FAM83H: variants seen among roughly 807,000 people sequenced by gnomAD.
FAM83H encodes the protein scaffolding CK1 anchoring protein H, also known as protein FAM83H.
Under a neutral mutation model 30.2 loss-of-function variants are expected in FAM83H, and 24 were observed. The observed-to-expected ratio is 0.79, with a 90% CI of 0.57 to 1.12. FAM83H has a LOEUF of 1.12. Ranked by LOEUF, FAM83H falls within the 50% of genes most tolerant of loss-of-function variation. The pLI, the probability that FAM83H is intolerant of heterozygous loss-of-function variation, is 0.00. For synonymous variants in FAM83H, 1,013 were observed against 821.7 expected (o/e 1.23, Z -3.98); for missense variants, 2,038 against 1,773.9 (o/e 1.15, Z -2.67).
intron 2 of FAM83H, 101 bp from the exon 3 acceptor site, chr8:143,729,424 C>T (rs1818431804): frequency 7.3e-7 from 1 of 1,360,570 alleles, no homozygotes; most frequent in East Asian, 2.4e-5. Context: ...TCACCCACGA[C>T]CACTGTGAAA....
At chr8:143,729,793 T>C (rs1223368385) in intron 2 of FAM83H, among the ~76,000 whole-genome samples, 1 of 152,232 alleles carries the variant, frequency 6.6e-6, no homozygotes, top group African/African-American at 2.4e-5. Flanking sequence ...CGCCGTCTGC[T>C]AGCTGTTTGG....
At position 143,726,658 on chromosome 8, in the gene FAM83H, C is replaced by G; in HGVS notation, c.2803G>C (p.Gly935Arg). The change falls in exon 5 of 5, where the codon GGC (glycine) becomes CGC (arginine). Residue 935 changes from glycine (G) to arginine (R), a missense_variant. Coordinates refer to ENST00000388913, the MANE Select transcript of FAM83H (RefSeq NM_198488.5). ...SPVPPVPERRGSLTLTISGES... is the reference protein window; with the variant it reads ...SPVPPVPERRRSLTLTISGES... ...CCGGAGATGGTAAGGGTGAGGCTGC[C>G]CCTGCGCTCCGGCACGGGGGGCACC... The G allele has an allele frequency of 6.3e-7, 1 of 1,597,232 alleles. No individual in the cohort carries two copies. Among genetic ancestry groups the G allele is most frequent in the Middle Eastern group, 1.7e-4 (1 of 6,040 alleles).
rs782140916 is a variant in FAM83H, at chr8:143,730,483, C to T, written c.100G>A (p.Ala34Thr). Residue 34 changes from alanine (A) to threonine (T), a missense_variant, in exon 2 of 5, where the codon GCA (alanine) becomes ACA (threonine). Transcript: ENST00000388913. ...YKEYYRLAVD[A>T]LAEGGSEAYS... is the part of the protein sequence containing the mutation. ...GCCTCCGAGCCACCCTCGGCCAGTG[C>T]ATCCACCGCCAGGCGGTAGTACTCT... 4.4e-6 allele frequency: 7 copies of T among 1,608,002 alleles called. No individual in the cohort carries two copies. The highest frequency in any genetic ancestry group is 1.7e-5 in the Admixed American group (1 of 59,840).
intron 1 of FAM83H, chr8:143,732,595 G>A (rs1466794349): frequency 4.1e-6 from 4 of 985,256 alleles, no homozygotes; most frequent in East Asian, 1.1e-4. Context: ...TCCAGACAGT[G>A]GAAGCCCCCG....
rs1554622551 is a variant in FAM83H at position 143,727,405 on chromosome 8, G to C, written c.2056C>G (p.Leu686Val). 4 of 1,571,668 alleles carry C rather than the reference G, an allele frequency of 2.5e-6. 1 individual carries two copies. The highest frequency in any genetic ancestry group is 4.6e-5 in the East Asian group (2 of 43,562). ...TCGGCCTGTGACGTGCTGAAGATGA[G>C]CGAGGAGCGCAGCCTGGAGCTGCGC... ...VQRSSRLRSS[L>V]IFSTSQAEGA... Residue 686 changes from leucine (L) to valine (V), a missense_variant, in exon 5 of 5, where the codon CTC becomes GTC. Coordinates refer to ENST00000388913, the MANE Select transcript of FAM83H (RefSeq NM_198488.5).
intron 1 of FAM83H, chr8:143,731,784 C>T: frequency 1.0e-6 from 1 of 985,456 alleles, no homozygotes; most frequent in Non-Finnish European, 1.2e-6. Context: ...CTCGCCACCA[C>T]CATCCATGCT....
intron 1 of FAM83H, chr8:143,732,722 A>G (rs1199409053): frequency 3.0e-6 from 3 of 985,306 alleles, no homozygotes; most frequent in African/African-American, 1.7e-5. Context: ...TGGGCTATGG[A>G]CGGGGCTGCA....
rs1353120964 is a variant in FAM83H, at chr8:143,726,933, G to A, written c.2528C>T (p.Thr843Met). 3.1e-6 allele frequency: 5 copies of A among 1,611,702 alleles called. No individual in the cohort carries two copies. The highest frequency in any genetic ancestry group is 2.2e-5 in the East Asian group (1 of 44,874). ...AGGGCTGTCCAGCCCTTGCGGGGAC[G>A]TTGAGTGGCTCTGGGCAGAGAGGAA... ...SRFLSAQSHSTSPQGLDSPLP... is the reference protein window; with the variant it reads ...SRFLSAQSHSMSPQGLDSPLP... Residue 843 changes from threonine to methionine, a missense_variant, in exon 5 of 5, where the codon ACG (threonine) becomes ATG (methionine). Physicochemically the swap from Thr to Met is moderately conservative, Grantham distance 81. Transcript: ENST00000388913.
rs374887550 is a variant in FAM83H, at chr8:143,730,360, T to C, written c.223A>G (p.Thr75Ala). 1.9e-6 allele frequency: 3 copies of C among 1,613,532 alleles called. No individual in the cohort carries two copies. The highest frequency in any genetic ancestry group is 2.7e-5 in the African/African-American group (2 of 74,944). Residue 75 changes from threonine to alanine, a missense_variant, in exon 2 of 5, where the codon ACC (threonine) becomes GCC (alanine). Thr to Ala is a moderately conservative substitution (Grantham distance 58). Transcript: ENST00000388913. The stretch of plus-strand genomic sequence containing the variant: ...AGGCTGCCTTCAGGTGGCTCTCGGG[T>C]AACATACTGCGGAGGCCGAAGGTGT... ...SRHLRPPQYV[T>A]REPPEGSLLD... is the part of the protein sequence containing the mutation.
rs1186916804 is a variant in FAM83H at position 143,728,329 on chromosome 8, G to A, written c.1132C>T (p.Arg378Trp). ...GGCCCGGCCTCGGCCTCCAGGCGCC[G>A]CGAGAGCGGCCGCAGCCCCGCGTGC... ...EPHAGLRPLS[R>W]RLEAEAGPAG... Residue 378 changes from arginine to tryptophan, a missense_variant, in exon 5 of 5, where the codon CGG becomes TGG. Transcript: ENST00000388913. The A allele has an allele frequency of 1.2e-4, 181 of 1,448,808 alleles. No individual in the cohort carries two copies. Among genetic ancestry groups the A allele is most frequent in the Non-Finnish European group, 1.5e-4 (169 of 1,106,714 alleles). 89.7% of individuals were successfully genotyped at this position (1,448,808 alleles called of 1,614,324 possible). A position where few individuals can be genotyped will look rare whatever the true frequency, so the allele number is the denominator to read the frequency against.
Position 143,728,369 on chromosome 8 carries a change from C to CCCCGGCATCCGCGGCGGCTCCT in FAM83H, c.1070_1091dup (p.Leu367AlafsTer92), listed in dbSNP as rs1554623349. 1 of 1,544,140 alleles carries CCCCGGCATCCGCGGCGGCTCCT rather than the reference C, an allele frequency of 6.5e-7. No homozygotes were observed. The highest frequency in any genetic ancestry group is 8.7e-7 in the Non-Finnish European group (1 of 1,143,776). ...GCCCCGCGTGCGGTTCCAGCGCGCCCCCCGGCATCCGCGGCGGCTCCTCCC... is the reference window on the plus strand; with the variant it reads ...GCCCCGCGTGCGGTTCCAGCGCGCCCCCCGGCATCCGCGGCGGCTCCTCCCGGCATCCGCGGCGGCTCCTCCC... On this transcript the variant is annotated frameshift_variant, in exon 5 of 5. Coordinates refer to ENST00000388913, the MANE Select transcript of FAM83H (RefSeq NM_198488.5). LOFTEE classifies it low-confidence loss of function (END_TRUNC).
At chr8:143,732,163 G>C in intron 1 of FAM83H, 1 of 985,446 alleles carries the variant, frequency 1.0e-6, no homozygotes, top group Non-Finnish European at 1.2e-6. Flanking sequence ...CAGCCGTCCT[G>C]CCTGGTGCCC....
In FAM83H at chr8:143,726,433, T is replaced by C; in HGVS notation, c.3028A>G (p.Thr1010Ala). The change falls in exon 5 of 5, where the codon ACG (threonine) becomes GCG (alanine). Residue 1010 changes from threonine to alanine, a missense_variant. Transcript: ENST00000388913. ...RRLSLGQGDS[T>A]EAATEERGPR... ...CCCCGCTCTTCTGTGGCAGCCTCCG[T>C]GCTGTCACCCTGGCCCAGTGACAGA... 2 of 1,603,236 alleles carry C rather than the reference T, an allele frequency of 1.2e-6. No individual in the cohort carries two copies. The highest frequency in any genetic ancestry group is 1.7e-6 in the Non-Finnish European group (2 of 1,177,404).
chr8:143,731,515 T>C (rs1348408348), intron 1 of FAM83H: 6 of 985,336 alleles, frequency 6.1e-6, no homozygotes, highest in Admixed American at 6.1e-5. Context: ...GCCCATTCTA[T>C]GACCGCCCAG....
At chr8:143,731,548 C>T (rs1818521848) in intron 1 of FAM83H, 1 of 985,260 alleles carries the variant, frequency 1.0e-6, no homozygotes, top group Non-Finnish European at 1.2e-6. Context: ...GATCCCTAGA[C>T]TCCGTCCCTG....
intron 2 of FAM83H, among the ~76,000 whole-genome samples, chr8:143,729,802 G>A (rs1354131910): frequency 1.3e-5 from 2 of 152,228 alleles, no homozygotes; most frequent in African/African-American, 2.4e-5. Context: ...CTAGCTGTTT[G>A]GTGATGGTTA....
chr8:143,729,669 G>A (rs184873831), intron 2 of FAM83H, among the ~76,000 whole-genome samples: 283 of 152,354 alleles, frequency 1.9e-3, no homozygotes, highest in Non-Finnish European at 3.2e-3. Context: ...AGGGCCAAGT[G>A]CCAGGCTCCA....
Position 143,726,355 on chromosome 8 carries a change from G to T in FAM83H, c.3106C>A (p.Leu1036Ile). 1.2e-6 allele frequency: 2 copies of T among 1,611,764 alleles called. No homozygotes were observed. The highest frequency in any genetic ancestry group is 1.7e-6 in the Non-Finnish European group (2 of 1,179,668). The change falls in exon 5 of 5, where the codon CTT (leucine) becomes ATT (isoleucine). Residue 1036 changes from leucine to isoleucine, a missense_variant. By Grantham distance (5) the Leu-to-Ile change is conservative. Coordinates refer to ENST00000388913, the MANE Select transcript of FAM83H (RefSeq NM_198488.5). The part of the protein sequence containing the change: ...ATANALYSSN[L>I]RDDTKAILEQ... ...AGAATGGCCTTCGTGTCATCCCGAA[G>T]GTTGCTGCTGTACAAGGCGTTGGCC...
chr8:143,728,774 C>T lies in FAM83H; in HGVS notation c.738-51G>A, dbSNP rs782721873. On this transcript the variant is annotated intron_variant, in intron 4 of 4. Coordinates refer to ENST00000388913, the MANE Select transcript of FAM83H (RefSeq NM_198488.5). The stretch of plus-strand genomic sequence containing the variant: ...AAACCGAGCTGGAGCGAGGGCACTG[C>T]AGCCCCGTGGGCAGCGGGTGGGGCG... The T allele has an allele frequency of 3.0e-4, 472 of 1,598,218 alleles. 2 individuals are homozygous for T. The highest frequency in any genetic ancestry group is 3.8e-4 in the Non-Finnish European group (447 of 1,179,754).
Sources: gnomAD v4.1 joint callset for allele counts (sites outside exome capture counted in the v4.1 genomes callset) on GRCh38, gnomAD v4.1.1 for gene constraint, MANE v1.5 for transcripts, NCBI Gene and HGNC (gene_info 2026-07-23, HGNC 2026-07-21) for gene names.